Variants in ZNF454 observed in about 807,000 individuals in gnomAD.
ZNF454 encodes zinc finger protein 454.
In ZNF454, 30 loss-of-function variants were observed where a neutral mutation model predicts 48.2. That is an observed-to-expected ratio of 0.62 (90% confidence interval 0.47 to 0.84). ZNF454 has a LOEUF of 0.84. Ranked by LOEUF, ZNF454 falls within the 40% of genes least tolerant of loss-of-function variation. The pLI, the probability that ZNF454 is intolerant of heterozygous loss-of-function variation, is 0.00. For missense variants in ZNF454, 510 were observed against 623.1 expected (o/e 0.82, Z 1.93); for synonymous variants, 204 against 211.4 (o/e 0.97, Z 0.30).
chr5:178,976,230 C>G, the ZNF454 span: 7 of 364,620 alleles, frequency 1.9e-5, 2 homozygotes, highest in South Asian at 1.0e-4. Flanking sequence ...GCCCCATTCT[C>G]TGTACCCTGC....
chr5:178,959,440 T>G (rs889716777), intron 4 of ZNF454, among the ~76,000 whole-genome samples: 1 of 152,234 alleles, frequency 6.6e-6, no homozygotes, highest in African/African-American at 2.4e-5. Context: ...TTACACTTGC[T>G]GACGTAAATT....
intron 4 of ZNF454, among the ~76,000 whole-genome samples, chr5:178,953,870 T>C (rs1351754102): frequency 6.6e-6 from 1 of 152,218 alleles, no homozygotes; most frequent in Admixed American, 6.5e-5. Flanking sequence ...CCAGTGATCT[T>C]AAATTTCCCA....
intron 4 of ZNF454, 116 bp from the exon 5 acceptor site, chr5:178,964,539 A>G: frequency 2.4e-6 from 2 of 838,700 alleles, no homozygotes; most frequent in Non-Finnish European, 3.8e-6. Flanking sequence ...TTGTTACTTC[A>G]GAAAATCTTC....
chr5:178,961,252 A>G (rs920849689), intron 4 of ZNF454, among the ~76,000 whole-genome samples: 2 of 151,668 alleles, frequency 1.3e-5, no homozygotes, highest in Non-Finnish European at 2.9e-5. Flanking sequence ...TTTAAAAATA[A>G]CTTAGGTAAG....
At chr5:178,949,702 C>T (rs534559120) in intron 4 of ZNF454, among the ~76,000 whole-genome samples, 2 of 151,984 alleles carry the variant, frequency 1.3e-5, no homozygotes, top group African/African-American at 2.4e-5. Context: ...CTGCAATCTC[C>T]GCCTCCTGGG....
chr5:178,989,217 A>AACCCCC, the ZNF454 span: 3 of 954,828 alleles, frequency 3.1e-6, no homozygotes, highest in Non-Finnish European at 4.4e-6. Context: ...CCCCACCCTC[A>AACCCCC]CCACCCTCCC....
At chr5:178,981,258 C>A in the ZNF454 span, 3 of 227,004 alleles carry the variant, frequency 1.3e-5, no homozygotes, top group South Asian at 1.5e-4. The surrounding 1 kb of genome is among the most constrained non-coding windows in gnomAD (Gnocchi z 5.1). Context: ...GGGGTCTACA[C>A]GTTCTTCCAC....
At chr5:178,948,487 T>C (rs1039329007) in intron 4 of ZNF454, among the ~76,000 whole-genome samples, 2 of 152,212 alleles carry the variant, frequency 1.3e-5, no homozygotes, top group Admixed American at 6.5e-5. Flanking sequence ...AATTCTTCAT[T>C]GCACCCTTGA....
chr5:178,989,184 A>T, the ZNF454 span: 1 of 1,589,072 alleles, frequency 6.3e-7, no homozygotes, highest in Admixed American at 1.7e-5. Flanking sequence ...CATGCACCGA[A>T]CCCGGCCTCC....
chr5:178,982,950 A>G, the ZNF454 span: 1 of 1,614,206 alleles, frequency 6.2e-7, no homozygotes. Flanking sequence ...GATGGGCACG[A>G]ATGCCAGCCA....
At chr5:178,943,960 G>C (rs1459552865) in intron 2 of ZNF454, among the ~76,000 whole-genome samples, 1 of 152,190 alleles carries the variant, frequency 6.6e-6, no homozygotes, top group Non-Finnish European at 1.5e-5. Flanking sequence ...CCAGGAGGCG[G>C]AGCTTGCAGT....
rs185159022 is a variant in ZNF454, at chr5:178,957,945, A to G, written c.251-6710A>G. ...CCTCAAAAAATATTTCAAGTCATGTATTCTCTTATACATAGATGATGTGTT... is the reference window on the plus strand; with the variant it reads ...CCTCAAAAAATATTTCAAGTCATGTGTTCTCTTATACATAGATGATGTGTT... On this transcript the variant is annotated intron_variant, in intron 4 of 4. Transcript: ENST00000519564. Among the ~76,000 whole-genome samples the G allele has an allele frequency of 2.1e-3, 315 of 152,322 alleles. 3 individuals are homozygous for G. The highest frequency in any genetic ancestry group is 7.1e-3 in the African/African-American group (295 of 41,574).
the ZNF454 span, among the ~76,000 whole-genome samples, chr5:178,984,159 C>A: frequency 6.6e-6 from 1 of 151,982 alleles, no homozygotes; most frequent in Non-Finnish European, 1.5e-5. Flanking sequence ...GAAGTTCCTA[C>A]TAGAACAAGG....
At position 178,966,119 on chromosome 5, in the gene ZNF454, G is replaced by A. The variant is rs1760146280; in HGVS notation, c.*146G>A. Reference sequence around the variant, plus strand: ...AGGGTCAGGTTTCACAGTGTCATGGGGTTTGGGCATTTAAGAATGGCAAAC... The same window carrying A: ...AGGGTCAGGTTTCACAGTGTCATGGAGTTTGGGCATTTAAGAATGGCAAAC... On this transcript the variant is annotated 3_prime_UTR_variant, in exon 5 of 5. Transcript: ENST00000519564. The A allele has an allele frequency of 2.7e-6, 2 of 743,668 alleles. No homozygotes were observed. Among genetic ancestry groups the A allele is most frequent in the South Asian group, 2.4e-5 (1 of 41,826 alleles). 46.1% of individuals were successfully genotyped at this position (743,668 alleles called of 1,614,324 possible).
chr5:178,979,569 G>A, the ZNF454 span: 5 of 152,324 alleles, frequency 3.3e-5, no homozygotes, highest in Middle Eastern at 3.4e-3. Flanking sequence ...AGTCGTCTGC[G>A]GGAAGCCAGG....
chr5:178,954,034 G>A (rs1759653688), intron 4 of ZNF454, among the ~76,000 whole-genome samples: 1 of 152,144 alleles, frequency 6.6e-6, no homozygotes, highest in Non-Finnish European at 1.5e-5. Flanking sequence ...CGAGGCAGGT[G>A]GATCACTTGA....
intron 1 of ZNF454, 107 bp from the exon 2 acceptor site, chr5:178,942,578 C>G (rs902289109): frequency 1.9e-6 from 1 of 523,382 alleles, no homozygotes; most frequent in Non-Finnish European, 3.4e-6. Flanking sequence ...AAACAGGAAC[C>G]AAAACACTCA....
In ZNF454 at chr5:178,946,308, A is replaced by G. The variant is rs1759329291; in HGVS notation, c.34-51A>G. 3 of 1,596,606 alleles carry G rather than the reference A, an allele frequency of 1.9e-6. No individual in the cohort carries two copies. Among genetic ancestry groups the G allele is most frequent in the Non-Finnish European group, 2.6e-6 (3 of 1,175,282 alleles). On this transcript the variant is annotated intron_variant, in intron 2 of 4. Transcript: ENST00000519564. This position sits in a 1 kb window ranked among gnomAD's most constrained non-coding sequence, Gnocchi z 4.5. ...GGGCTGCCAGTCTCTTTTCCAGAGA[A>G]CCATGTGCAGGGGTAGCCCCTGGTC... is the stretch of plus-strand genomic sequence containing the variant.
chr5:178,950,664 T>C (rs1184316098), intron 4 of ZNF454, among the ~76,000 whole-genome samples: 2 of 152,222 alleles, frequency 1.3e-5, no homozygotes, highest in Non-Finnish European at 2.9e-5. Context: ...ATTAATCTGT[T>C]GAGGTTTATT....
Sources: allele counts gnomAD v4.1 joint callset (sites outside exome capture counted in the v4.1 genomes callset), GRCh38; gene constraint gnomAD v4.1.1; non-coding constraint Gnocchi (gnomAD v3.1); transcripts MANE v1.5; gene names NCBI Gene and HGNC (gene_info 2026-07-23, HGNC 2026-07-21).